RD3: variants seen among roughly 807,000 people sequenced by gnomAD.
RD3 encodes the protein RD3 regulator of GUCY2D.
In RD3, 11 loss-of-function variants were observed where a neutral mutation model predicts 16.9. The ratio of observed to expected loss-of-function variants is 0.65; its 90% CI spans 0.41 to 1.08. The LOEUF is 1.08. Among genes scored for constraint, RD3 ranks in the 50% least tolerant of loss-of-function variants. RD3 has a pLI of 0.00. For synonymous variants in RD3, 116 were observed against 114.8 expected (o/e 1.01, Z -0.07); for missense variants, 274 against 267.4 (o/e 1.02, Z -0.17).
chr1:211,483,331 A>C (rs1443801648), intron 1 of RD3, among the ~76,000 whole-genome samples: 1 of 151,960 alleles, frequency 6.6e-6, no homozygotes. Flanking sequence ...GCATGGTGGC[A>C]CATGCCTGTA....
In RD3 at chr1:211,479,120, G is replaced by A. The variant is rs1228405650; in HGVS notation, c.504C>T (p.Thr168=). ...TGTCCCGCTCCACGTCCTCGGAGAT[G>A]GTCCTGATGTCGCTGGCGAAGGGCG... ...RISPFASDIR[T]ISEDVERDTP... The change falls in exon 3 of 3, where the codon ACC becomes ACT. Residue 168 remains threonine, a synonymous_variant. Transcript: ENST00000680073. The A allele has an allele frequency of 1.2e-6, 2 of 1,612,558 alleles. No individual in the cohort carries two copies. Among genetic ancestry groups the A allele is most frequent in the Non-Finnish European group, 1.7e-6 (2 of 1,179,610 alleles).
Position 211,479,151 on chromosome 1 carries a change from C to G in RD3, c.473G>C (p.Arg158Pro), listed in dbSNP as rs748059354. 6 of 1,612,336 alleles carry G rather than the reference C, an allele frequency of 3.7e-6. No homozygotes were observed. In the East Asian group the frequency reaches 1.3e-4, roughly 36 times the overall value. ...GSLATFKTRA[R>P]ISPFASDIRT... is the part of the protein sequence containing the mutation. ...GATGTCGCTGGCGAAGGGCGAGATG[C>G]GCGCGCGGGTCTTGAAGGTGGCCAG... The change falls in exon 3 of 3, where the codon CGC (arginine) becomes CCC (proline). Residue 158 changes from arginine to proline, a missense_variant. Physicochemically the swap from Arg to Pro is moderately radical, Grantham distance 103. Transcript: ENST00000680073.
At position 211,484,623 on chromosome 1, in the gene RD3, G is replaced by A. The variant is rs113836888; in HGVS notation, c.-11-3197C>T. Among the ~76,000 whole-genome samples the A allele has an allele frequency of 8.3e-3, 1,265 of 152,308 alleles. 23 individuals carry two copies. The highest frequency in any genetic ancestry group is 0.029 in the African/African-American group (1,194 of 41,560). On this transcript the variant is annotated intron_variant, in intron 1 of 2. Coordinates refer to ENST00000680073, the MANE Select transcript of RD3 (RefSeq NM_001164688.2). ...CAAACTATTAAATAAAGTATGTTCC[G>A]TTTCCTCCCTTGTGAACTATACCTT...
Position 211,478,692 on chromosome 1 carries a change from G to T in RD3, c.*344C>A. 1 of 301,514 alleles carries T rather than the reference G, an allele frequency of 3.3e-6. No homozygotes were observed. The highest frequency in any genetic ancestry group is 6.1e-6 in the Non-Finnish European group (1 of 163,328). The allele number at this position is 301,514 out of a possible 1,614,324, so 18.7% of individuals were successfully genotyped here. On this transcript the variant is annotated 3_prime_UTR_variant, in exon 3 of 3. Transcript: ENST00000680073. ...GTGAGAACCTAGGTCTTGCCAAAAG[G>T]CAGGGCAACTGTCCCCTTTTAGACA...
chr1:211,481,134 C>A lies in RD3; in HGVS notation c.282G>T (p.Gly94=). The part of the protein sequence containing the change: ...VCVKIHPSYC[G]PAILRFRQLL... ...CCAGTGCTCACCTGAGGATAGCAGG[C>A]CCACAATAGGATGGGTGGATCTTAA... Residue 94 remains glycine, a synonymous_variant, in exon 2 of 3, where the codon GGG becomes GGT. Transcript: ENST00000680073. 1 of 1,614,208 alleles carries A rather than the reference C, an allele frequency of 6.2e-7. No individual in the cohort carries two copies. Among genetic ancestry groups the A allele is most frequent in the Non-Finnish European group, 8.5e-7 (1 of 1,180,016 alleles).
At chr1:211,483,909 G>T (rs947083272) in intron 1 of RD3, among the ~76,000 whole-genome samples, 1 of 152,170 alleles carries the variant, frequency 6.6e-6, no homozygotes, top group Non-Finnish European at 1.5e-5. Context: ...GCGAGCATGC[G>T]GAGTCACTGT....
chr1:211,490,040 A>T (rs1705455399), intron 1 of RD3, among the ~76,000 whole-genome samples: 1 of 152,128 alleles, frequency 6.6e-6, no homozygotes, highest in Non-Finnish European at 1.5e-5. Context: ...CCTGAGGATA[A>T]TGTCTTTTCT....
At chr1:211,479,422 A>G (rs1055697477) in intron 2 of RD3, 95 bp from the exon 3 acceptor site, 12 of 1,136,770 alleles carry the variant, frequency 1.1e-5, no homozygotes, top group Admixed American at 6.8e-5. Context: ...GTGCATCCTC[A>G]TGGCCAATTA....
Position 211,478,910 on chromosome 1 carries a change from A to C in RD3, c.*126T>G. The C allele has an allele frequency of 1.0e-4, 62 of 601,574 alleles. No individual in the cohort carries two copies. The highest frequency in any genetic ancestry group is 1.0e-4 in the Non-Finnish European group (38 of 378,390). 37.3% of individuals were successfully genotyped at this position (601,574 alleles called of 1,614,324 possible). ...CTTCATTTTATAGCAGCGTCTTGGG[A>C]TGGGGCCGCCTCTTGGGTCTCCTCG... On this transcript the variant is annotated 3_prime_UTR_variant, in exon 3 of 3. Coordinates refer to ENST00000680073, the MANE Select transcript of RD3 (RefSeq NM_001164688.2).
chr1:211,490,221 G>A (rs1705457775), intron 1 of RD3, among the ~76,000 whole-genome samples: 1 of 152,222 alleles, frequency 6.6e-6, no homozygotes, highest in Non-Finnish European at 1.5e-5. Flanking sequence ...GGAGCTGGAA[G>A]CAGGGCTCTG....
intron 1 of RD3, among the ~76,000 whole-genome samples, chr1:211,489,405 AC>A (rs1254116933): frequency 6.6e-6 from 1 of 151,832 alleles, no homozygotes; most frequent in Admixed American, 6.6e-5. Context: ...TCCAGCAGAA[AC>A]CACAGATTTT....
chr1:211,490,113 G>A (rs1172266537), intron 1 of RD3, among the ~76,000 whole-genome samples: 1 of 152,194 alleles, frequency 6.6e-6, no homozygotes, highest in African/African-American at 2.4e-5. Flanking sequence ...AAACTCTCGC[G>A]TTGTGCCTCA....
chr1:211,485,432 G>A (rs1558181162), intron 1 of RD3, among the ~76,000 whole-genome samples: 1 of 152,166 alleles, frequency 6.6e-6, no homozygotes, highest in Non-Finnish European at 1.5e-5. Context: ...TCTTCAGTGG[G>A]TCCGATTAAG....
intron 1 of RD3, among the ~76,000 whole-genome samples, chr1:211,488,918 C>T (rs1396667813): frequency 1.3e-5 from 2 of 152,190 alleles, no homozygotes; most frequent in Non-Finnish European, 2.9e-5. Flanking sequence ...GGCCTGGCTG[C>T]ACCCCCACTC....
Position 211,477,564 on chromosome 1 carries a change from C to T in RD3, c.*1472G>A, listed in dbSNP as rs375986615. ...AGTGATTCTCAACTTCTACCAATTA[C>T]ATTAATAAGCCAATCAACTCTTTCA... is the stretch of plus-strand genomic sequence containing the variant. On this transcript the variant is annotated 3_prime_UTR_variant, in exon 3 of 3. Transcript: ENST00000680073. The T allele has an allele frequency of 3.9e-5, 6 of 152,160 alleles. No homozygotes were observed. Among genetic ancestry groups the T allele is most frequent in the East Asian group, 1.9e-4 (1 of 5,198 alleles). 9.4% of individuals were successfully genotyped at this position (152,160 alleles called of 1,614,324 possible).
At chr1:211,486,869 C>T (rs976685330) in intron 1 of RD3, among the ~76,000 whole-genome samples, 1 of 152,122 alleles carries the variant, frequency 6.6e-6, no homozygotes, top group Non-Finnish European at 1.5e-5. Context: ...AAAAAGAAAA[C>T]TATCTGTGGA....
intron 1 of RD3, among the ~76,000 whole-genome samples, chr1:211,487,413 CT>C (rs1705395484): frequency 6.6e-6 from 1 of 152,224 alleles, no homozygotes; most frequent in Non-Finnish European, 1.5e-5. Flanking sequence ...CGCCTTTTCT[CT>C]AATTAATCAG....
intron 1 of RD3, 44 bp from the exon 2 acceptor site, chr1:211,481,470 T>C (rs1705264082): frequency 6.3e-7 from 1 of 1,582,664 alleles, no homozygotes; most frequent in African/African-American, 1.3e-5. Context: ...GGCCCCTCTG[T>C]TAGTCAGAGT....
chr1:211,479,862 G>A (rs768146544), intron 2 of RD3, among the ~76,000 whole-genome samples: 129 of 152,300 alleles, frequency 8.5e-4, no homozygotes, highest in Non-Finnish European at 1.6e-3. Flanking sequence ...ATCACTTGTG[G>A]CCCCGACATG....
Sources: gnomAD v4.1 joint callset for allele counts (sites outside exome capture counted in the v4.1 genomes callset) on GRCh38, gnomAD v4.1.1 for gene constraint, MANE v1.5 for transcripts, NCBI Gene and HGNC (gene_info 2026-07-23, HGNC 2026-07-21) for gene names.